Variants in LMOD1 observed in about 807,000 individuals in gnomAD.
The protein encoded by LMOD1 is leiomodin 1, also known as leiomodin-1.
In LMOD1, 8 loss-of-function variants were observed where a neutral mutation model predicts 36.5. The ratio of observed to expected loss-of-function variants is 0.22; its 90% CI spans 0.13 to 0.40. LMOD1 has a LOEUF of 0.40. Among genes scored for constraint, LMOD1 ranks in the 10% least tolerant of loss-of-function variants. The pLI, the probability that LMOD1 is intolerant of heterozygous loss-of-function variation, is 1.00. For missense variants in LMOD1, 630 were observed against 751.1 expected (o/e 0.84, Z 1.88); for synonymous variants, 284 against 288.7 (o/e 0.98, Z 0.17).
intron 1 of LMOD1, among the ~76,000 whole-genome samples, chr1:201,914,642 A>C (rs143477942): frequency 2.8e-4 from 43 of 152,200 alleles, no homozygotes; most frequent in African/African-American, 9.6e-4. Flanking sequence ...CTTCCCAGGC[A>C]GACAGAGGAA....
At chr1:201,903,642 C>T (rs1040978533) in intron 1 of LMOD1, among the ~76,000 whole-genome samples, 6 of 152,214 alleles carry the variant, frequency 3.9e-5, no homozygotes, top group African/African-American at 1.4e-4. Flanking sequence ...TCCCTGATCC[C>T]ATCAAGTTGA....
intron 1 of LMOD1, among the ~76,000 whole-genome samples, chr1:201,940,243 G>A (rs1375817476): frequency 7.0e-6 from 1 of 143,876 alleles, no homozygotes; most frequent in Non-Finnish European, 1.5e-5. Context: ...CTGGAGTACA[G>A]CGGCACGATC....
intron 1 of LMOD1, among the ~76,000 whole-genome samples, chr1:201,918,599 A>C (rs1681647824): frequency 6.6e-6 from 1 of 152,112 alleles, no homozygotes; most frequent in Admixed American, 6.6e-5. Context: ...CTTGTTGCCT[A>C]TGCATGCTGC....
chr1:201,912,829 C>T (rs1681537586), intron 1 of LMOD1, among the ~76,000 whole-genome samples: 1 of 152,100 alleles, frequency 6.6e-6, no homozygotes, highest in South Asian at 2.1e-4. Flanking sequence ...ACTGCACTCC[C>T]AGCCTAGAGG....
At chr1:201,925,934 G>C (rs937376171) in intron 1 of LMOD1, among the ~76,000 whole-genome samples, 6 of 152,026 alleles carry the variant, frequency 3.9e-5, no homozygotes, top group Middle Eastern at 3.4e-3. Flanking sequence ...GGCTGGTCTC[G>C]AACTCCTGGG....
chr1:201,928,195 A>G (rs993504441), intron 1 of LMOD1, among the ~76,000 whole-genome samples: 10 of 152,366 alleles, frequency 6.6e-5, no homozygotes, highest in South Asian at 2.1e-4. Flanking sequence ...TTCATTATAA[A>G]TCACACAGTC....
At chr1:201,935,289 C>T (rs930081900) in intron 1 of LMOD1, among the ~76,000 whole-genome samples, 1 of 150,932 alleles carries the variant, frequency 6.6e-6, no homozygotes, top group Non-Finnish European at 1.5e-5. Flanking sequence ...GTGATCCGTA[C>T]TGCCTAAGCT....
chr1:201,924,299 G>C lies in LMOD1; in HGVS notation c.261+21781C>G, dbSNP rs1681761965. ...AGATAGCGCCACTGCACTCCAGCCTGGGTGACAGAGCAAGACTCTGTCTCA... is the reference window on the plus strand; with the variant it reads ...AGATAGCGCCACTGCACTCCAGCCTCGGTGACAGAGCAAGACTCTGTCTCA... On this transcript the variant is annotated intron_variant, in intron 1 of 2. Transcript: ENST00000367288. Among the ~76,000 whole-genome samples, 3 of 146,374 alleles carry C rather than the reference G, an allele frequency of 2.0e-5. No homozygotes were observed. The South Asian group carries it at 6.7e-4, about 33-fold the overall frequency.
At chr1:201,924,698 AAAG>A (rs1156261854) in intron 1 of LMOD1, among the ~76,000 whole-genome samples, 1 of 127,702 alleles carries the variant, frequency 7.8e-6, no homozygotes, top group African/African-American at 2.7e-5. Flanking sequence ...AGAAAGAAAG[AAAG>A]AAAGAAAGAA....
chr1:201,931,124 G>A (rs377621881), intron 1 of LMOD1, among the ~76,000 whole-genome samples: 3 of 152,184 alleles, frequency 2.0e-5, no homozygotes, highest in African/African-American at 7.2e-5. Flanking sequence ...ATGTTGAAGA[G>A]AGAGAGAGAT....
intron 1 of LMOD1, among the ~76,000 whole-genome samples, chr1:201,939,959 T>A (rs1230017278): frequency 6.6e-6 from 1 of 152,158 alleles, no homozygotes; most frequent in Non-Finnish European, 1.5e-5. Flanking sequence ...GGCTTTGTCC[T>A]CACCTTCTTG....
chr1:201,901,549 T>TGA (rs1681309166), intron 1 of LMOD1, among the ~76,000 whole-genome samples: 1 of 34,928 alleles, frequency 2.9e-5, no homozygotes, highest in African/African-American at 1.3e-4. Context: ...TATATATATA[T>TGA]ATACATATAT....
At chr1:201,914,728 TCTC>T (rs1681571385) in intron 1 of LMOD1, among the ~76,000 whole-genome samples, 2 of 151,642 alleles carry the variant, frequency 1.3e-5, no homozygotes, top group Admixed American at 1.3e-4. Flanking sequence ...TCACCTTCCC[TCTC>T]CTCCTGCCCA....
intron 1 of LMOD1, among the ~76,000 whole-genome samples, chr1:201,902,655 C>G (rs1371710414): frequency 1.3e-5 from 2 of 152,068 alleles, no homozygotes; most frequent in Non-Finnish European, 2.9e-5. Flanking sequence ...CCATGTTGGT[C>G]AGGCTGGTCT....
At chr1:201,898,438 C>G in intron 2 of LMOD1, 40 bp from the exon 3 acceptor site, 1 of 1,587,438 alleles carries the variant, frequency 6.3e-7, no homozygotes, top group Non-Finnish European at 8.6e-7. Flanking sequence ...GAAGGGAGCT[C>G]AGCCACCTCA....
At chr1:201,937,181 C>T (rs1276985130) in intron 1 of LMOD1, among the ~76,000 whole-genome samples, 2 of 152,220 alleles carry the variant, frequency 1.3e-5, no homozygotes, top group Non-Finnish European at 2.9e-5. Context: ...GGTGTGGTGG[C>T]TCATGCCCGT....
At chr1:201,944,321 A>G (rs148643836) in intron 1 of LMOD1, among the ~76,000 whole-genome samples, 25 of 152,344 alleles carry the variant, frequency 1.6e-4, no homozygotes, top group African/African-American at 4.6e-4. Context: ...TTCCAGGAAC[A>G]GGAGAATCCT....
intron 1 of LMOD1, among the ~76,000 whole-genome samples, chr1:201,932,793 G>A (rs1046728130): frequency 1.3e-5 from 2 of 152,152 alleles, no homozygotes; most frequent in African/African-American, 4.8e-5. Flanking sequence ...TTAACTTAGT[G>A]CCTACTGTTT....
chr1:201,946,208 C>T lies in LMOD1; in HGVS notation c.133G>A (p.Val45Ile), dbSNP rs61734404. 4.7e-4 allele frequency: 758 copies of T among 1,614,046 alleles called. 8 individuals carry two copies. In the African/African-American group the frequency reaches 8.9e-3, roughly 19 times the overall value. ...TTTCTCTGCCGCAGCCCCACGGGAA[C>T]ACTCCCGTCTGGGTCCACCACGTCC... ...ELDVVDPDGS[V>I]PVGLRQRNQT... The change falls in exon 1 of 3, where the codon GTT becomes ATT. Residue 45 changes from valine to isoleucine, a missense_variant. Physicochemically the swap from Val to Ile is conservative, Grantham distance 29. Coordinates refer to ENST00000367288, the MANE Select transcript of LMOD1 (RefSeq NM_012134.3).
Sources: gnomAD v4.1 joint callset for allele counts (sites outside exome capture counted in the v4.1 genomes callset) on GRCh38, gnomAD v4.1.1 for gene constraint, MANE v1.5 for transcripts, NCBI Gene and HGNC (gene_info 2026-07-23, HGNC 2026-07-21) for gene names.